Variants in PHACTR1 observed in about 807,000 individuals in gnomAD.
PHACTR1 encodes the protein RPEL repeat containing 1.
A neutral mutation model predicts 69.2 loss-of-function variants in PHACTR1; 16 were observed. That is an observed-to-expected ratio of 0.23 (90% CI 0.16 to 0.35). The LOEUF is 0.35. PHACTR1 is among the 10% of genes least tolerant of loss of function. The pLI is 1.00. For synonymous variants in PHACTR1, 312 were observed against 284.5 expected, an observed-to-expected ratio of 1.10 and a Z score of -0.97; for missense variants, 510 against 734.7, an observed-to-expected ratio of 0.69 and a Z score of 3.54.
chr6:13,009,618 G>A (rs1057170396), intron 4 of PHACTR1, among the ~76,000 whole-genome samples: 1 of 152,042 alleles, frequency 6.6e-6, no homozygotes, highest in Non-Finnish European at 1.5e-5. Context: ...AAAATGGGGA[G>A]GAGCATAGGC....
chr6:13,005,828 A>G (rs1297705560), intron 4 of PHACTR1, among the ~76,000 whole-genome samples: 1 of 152,176 alleles, frequency 6.6e-6, no homozygotes, highest in Non-Finnish European at 1.5e-5. Context: ...ATCTTCCCAG[A>G]GCTGACTACC....
intron 4 of PHACTR1, among the ~76,000 whole-genome samples, chr6:12,914,003 T>C (rs564751289): frequency 8.5e-5 from 13 of 152,320 alleles, no homozygotes; most frequent in Non-Finnish European, 1.8e-4. Flanking sequence ...GGAGTCTTGC[T>C]GTGTTGCCAG....
At chr6:12,812,744 C>A (rs1324815819) in intron 4 of PHACTR1, among the ~76,000 whole-genome samples, 2 of 152,202 alleles carry the variant, frequency 1.3e-5, no homozygotes, top group African/African-American at 2.4e-5. Context: ...CAGACCCTTG[C>A]TCGTGGTTTC....
intron 4 of PHACTR1, among the ~76,000 whole-genome samples, chr6:12,786,494 A>G (rs1771560444): frequency 6.6e-6 from 1 of 152,196 alleles, no homozygotes; most frequent in Non-Finnish European, 1.5e-5. Context: ...GAAGGGGAAA[A>G]ATTGAACTCT....
rs115080790 is a variant in PHACTR1 at position 12,837,232 on chromosome 6, G to T, written c.250+87442G>T. ...ATAAAAAATTACAAATACCAGAGTT[G>T]GACTCGTTTAGCTTAAAGGTCCATT... On this transcript the variant is annotated intron_variant, in intron 4 of 14. Coordinates refer to ENST00000332995, the MANE Select transcript of PHACTR1 (RefSeq NM_030948.6). Among the ~76,000 whole-genome samples the T allele has an allele frequency of 7.0e-3, 1,058 of 152,136 alleles. 17 individuals carry two copies. Among genetic ancestry groups the T allele is most frequent in the African/African-American group, 0.024 (1,007 of 41,500 alleles).
At chr6:13,277,747 A>G (rs1779226159) in intron 11 of PHACTR1, among the ~76,000 whole-genome samples, 1 of 152,180 alleles carries the variant, frequency 6.6e-6, no homozygotes, top group Non-Finnish European at 1.5e-5. Context: ...CAGGAGTTCA[A>G]GACCGGCCTG....
chr6:12,860,860 T>G (rs75352100), intron 4 of PHACTR1, among the ~76,000 whole-genome samples: 238 of 152,360 alleles, frequency 1.6e-3, no homozygotes, highest in South Asian at 3.1e-3. Context: ...AAGGTTATGA[T>G]ATAAGGATCG....
chr6:12,865,864 C>T (rs1470933773), intron 4 of PHACTR1, among the ~76,000 whole-genome samples: 3 of 152,092 alleles, frequency 2.0e-5, no homozygotes, highest in African/African-American at 7.2e-5. Flanking sequence ...TTCTCTTCCC[C>T]TAGGGAATGC....
chr6:13,043,951 G>A (rs1255603120), intron 4 of PHACTR1, among the ~76,000 whole-genome samples: 2 of 152,124 alleles, frequency 1.3e-5, no homozygotes, highest in South Asian at 2.1e-4. Flanking sequence ...ATAAGTTTTT[G>A]TAGTCATTAT....
chr6:13,110,350 T>C (rs1245821535), intron 5 of PHACTR1, among the ~76,000 whole-genome samples: 2 of 152,212 alleles, frequency 1.3e-5, no homozygotes, highest in African/African-American at 4.8e-5. Context: ...ATGCGTAGTT[T>C]AACCCTTCTA....
intron 10 of PHACTR1, among the ~76,000 whole-genome samples, chr6:13,257,613 C>T (rs756302438): frequency 6.6e-6 from 1 of 152,222 alleles, no homozygotes. Context: ...CAGGATAGAA[C>T]ACAAATCTCA....
intron 10 of PHACTR1, among the ~76,000 whole-genome samples, chr6:13,244,218 G>C (rs1773259652): frequency 6.6e-6 from 1 of 152,144 alleles, no homozygotes; most frequent in Admixed American, 6.5e-5. Context: ...CAAAAGGGGA[G>C]GGAGTGCGCG....
intron 5 of PHACTR1, among the ~76,000 whole-genome samples, chr6:13,063,960 G>A (rs560865074): frequency 1.3e-5 from 2 of 152,288 alleles, no homozygotes; most frequent in East Asian, 3.9e-4. Context: ...ATTTTAGAAA[G>A]ATTATTCTCT....
intron 10 of PHACTR1, among the ~76,000 whole-genome samples, chr6:13,243,821 A>T (rs997501804): frequency 6.6e-6 from 1 of 152,038 alleles, no homozygotes; most frequent in African/African-American, 2.4e-5. Context: ...CAGTGTTTAG[A>T]TCCTACTTGT....
intron 6 of PHACTR1, among the ~76,000 whole-genome samples, chr6:13,168,344 C>G (rs1310468985): frequency 6.6e-6 from 1 of 152,188 alleles, no homozygotes; most frequent in African/African-American, 2.4e-5. Context: ...ATTGTGATAA[C>G]AATTCTCTTA....
At position 13,102,086 on chromosome 6, in the gene PHACTR1, A is replaced by G. The variant is rs193090566; in HGVS notation, c.415+48557A>G. On this transcript the variant is annotated intron_variant, in intron 5 of 14. Transcript: ENST00000332995. The stretch of plus-strand genomic sequence containing the variant: ...GCTTGTCAAAATTTGGGTAACTTAA[A>G]AAACACTTGCATTGCTTACTGACCC... 6.6e-5 allele frequency among the ~76,000 whole-genome samples: 10 copies of G among 152,340 alleles called. No homozygotes were observed. In the East Asian group the frequency reaches 1.9e-3, roughly 29 times the overall value.
rs115584112 is a variant in PHACTR1 at position 12,934,943 on chromosome 6, T to C, written c.251-118422T>C. On this transcript the variant is annotated intron_variant, in intron 4 of 14. Coordinates refer to ENST00000332995, the MANE Select transcript of PHACTR1 (RefSeq NM_030948.6). ...ATTGCTCAAGATGTACAAGACCCTG[T>C]CTCTATTTTCAATCCCAGCTCTATC... Among the ~76,000 whole-genome samples, 859 of 152,294 alleles carry C rather than the reference T, an allele frequency of 5.6e-3. 4 individuals carry two copies. Among genetic ancestry groups the C allele is most frequent in the African/African-American group, 0.02 (834 of 41,556 alleles).
intron 4 of PHACTR1, among the ~76,000 whole-genome samples, chr6:12,994,165 C>T (rs1797136304): frequency 6.6e-6 from 1 of 151,944 alleles, no homozygotes. Flanking sequence ...TGGACACAGC[C>T]AAAGATAGAA....
chr6:12,970,772 A>C (rs1794105800), intron 4 of PHACTR1, among the ~76,000 whole-genome samples: 1 of 152,194 alleles, frequency 6.6e-6, no homozygotes, highest in Non-Finnish European at 1.5e-5. Context: ...ACAAGCAAAC[A>C]AACAAAAAGC....
Sources: gnomAD v4.1 joint callset for allele counts (sites outside exome capture counted in the v4.1 genomes callset) on GRCh38, gnomAD v4.1.1 for gene constraint, MANE v1.5 for transcripts, NCBI Gene and HGNC (gene_info 2026-07-23, HGNC 2026-07-21) for gene names.